SLC37A1: variants seen among roughly 807,000 people sequenced by gnomAD.
SLC37A1 encodes the protein solute carrier family 37 member 1, also known as glucose-6-phosphate exchanger SLC37A1.
Under a neutral mutation model 75.3 loss-of-function variants are expected in SLC37A1, and 49 were observed. That is an observed-to-expected ratio of 0.65 (90% CI 0.52 to 0.83). The LOEUF is 0.83. SLC37A1 is among the 40% of genes least tolerant of loss of function. The pLI is 0.00. For missense variants in SLC37A1, 566 were observed against 695.0 expected (o/e 0.81, Z 2.09); for synonymous variants, 268 against 292.1 (o/e 0.92, Z 0.84).
At position 42,535,550 on chromosome 21, in the gene SLC37A1, G is replaced by A. The variant is rs1196031907; in HGVS notation, c.350G>A (p.Ser117Asn). The A allele has an allele frequency of 6.2e-7, 1 of 1,614,030 alleles. No individual in the cohort carries two copies. Among genetic ancestry groups the A allele is most frequent in the Non-Finnish European group, 8.5e-7 (1 of 1,179,858 alleles). The change falls in exon 5 of 20, where the codon AGT becomes AAT. Residue 117 changes from serine (S) to asparagine (N), a missense_variant and splice_region_variant. Transcript: ENST00000352133. ...GCCTATGCCGTGGGGATGTACCTCA[G>A]GTAGGTCTCCTTCAGTTTTCCAGAC... ...LCAYAVGMYL[S>N]GIIGERLPIR...
intron 8 of SLC37A1, among the ~76,000 whole-genome samples, chr21:42,544,554 C>T (rs762522757): frequency 6.6e-6 from 1 of 152,218 alleles, no homozygotes; most frequent in Non-Finnish European, 1.5e-5. Flanking sequence ...GAGGAATGTC[C>T]AGACACACCC....
chr21:42,560,633 C>A (rs1490020081), intron 11 of SLC37A1, among the ~76,000 whole-genome samples: 1 of 152,080 alleles, frequency 6.6e-6, no homozygotes, highest in Non-Finnish European at 1.5e-5. Context: ...CAGAGGTGGA[C>A]CCTGGAGCCA....
chr21:42,517,033 G>A (rs1354919382), intron 1 of SLC37A1, among the ~76,000 whole-genome samples: 1 of 152,184 alleles, frequency 6.6e-6, no homozygotes, highest in African/African-American at 2.4e-5. Flanking sequence ...TTGAGCACGT[G>A]GTCTGTGCTA....
intron 3 of SLC37A1, among the ~76,000 whole-genome samples, chr21:42,532,067 C>A (rs886222028): frequency 1.3e-5 from 2 of 152,172 alleles, no homozygotes; most frequent in Admixed American, 6.5e-5. Context: ...AACTCCATAA[C>A]TGATGGCCAG....
chr21:42,555,036 A>G (rs1325190936), intron 10 of SLC37A1, among the ~76,000 whole-genome samples: 1 of 131,186 alleles, frequency 7.6e-6, no homozygotes, highest in Non-Finnish European at 1.5e-5. Flanking sequence ...CCCAGTCTGG[A>G]GTGCAGTGGC....
chr21:42,532,775 T>C (rs187066254), intron 3 of SLC37A1, among the ~76,000 whole-genome samples: 156 of 152,050 alleles, frequency 1.0e-3, no homozygotes, highest in African/African-American at 3.6e-3. Context: ...ATGAAAGCAC[T>C]CTCTTCCTGA....
chr21:42,532,528 C>T (rs999517684), intron 3 of SLC37A1, among the ~76,000 whole-genome samples: 1 of 152,124 alleles, frequency 6.6e-6, no homozygotes, highest in African/African-American at 2.4e-5. Flanking sequence ...CCATGGGAGG[C>T]AGCAGGGAAA....
intron 10 of SLC37A1, among the ~76,000 whole-genome samples, chr21:42,557,495 A>T (rs1484761517): frequency 6.6e-6 from 1 of 152,284 alleles, no homozygotes; most frequent in Non-Finnish European, 1.5e-5. Flanking sequence ...CATGTTAGGC[A>T]TCTGCACTCA....
intron 18 of SLC37A1, chr21:42,576,070 A>C (rs2056301650): frequency 1.7e-6 from 1 of 572,278 alleles, no homozygotes; most frequent in Non-Finnish European, 2.2e-6. Context: ...CAGAATTGTA[A>C]AGGCAATATA....
chr21:42,572,448 C>T (rs1449822016), intron 17 of SLC37A1, among the ~76,000 whole-genome samples: 1 of 151,676 alleles, frequency 6.6e-6, no homozygotes, highest in Non-Finnish European at 1.5e-5. Flanking sequence ...TGGATTAATC[C>T]TTCAACTTTC....
intron 10 of SLC37A1, among the ~76,000 whole-genome samples, chr21:42,554,387 T>C (rs113092606): frequency 3.9e-5 from 6 of 152,362 alleles, no homozygotes; most frequent in African/African-American, 1.2e-4. Flanking sequence ...TCCCAGGCAC[T>C]ATTCCAGGTG....
At chr21:42,530,639 CACACACACACACACA>C (rs2054931930) in intron 3 of SLC37A1, among the ~76,000 whole-genome samples, 4 of 32,558 alleles carry the variant, frequency 1.2e-4, no homozygotes, top group Admixed American at 9.5e-4. Context: ...CACACACACA[CACACACACACACACA>C]CCCCCTCTGT....
chr21:42,535,619 T>A (rs1046653093), intron 5 of SLC37A1, 69 bp downstream of exon 5: 1 of 1,379,736 alleles, frequency 7.2e-7, no homozygotes, highest in African/African-American at 1.4e-5. Context: ...AGACATCCGC[T>A]ATGCTGAAGT....
chr21:42,531,220 C>T (rs943573619), intron 3 of SLC37A1, among the ~76,000 whole-genome samples: 6 of 152,138 alleles, frequency 3.9e-5, no homozygotes, highest in East Asian at 3.9e-4. Flanking sequence ...CCGGCCCCGC[C>T]GCCTTCCCCG....
chr21:42,505,402 C>T (rs1030920296), intron 2 of SLC37A1, among the ~76,000 whole-genome samples: 2 of 152,148 alleles, frequency 1.3e-5, no homozygotes, highest in Non-Finnish European at 2.9e-5. Flanking sequence ...TTGGGTAACT[C>T]GATGCCTTCT....
intron 2 of SLC37A1, among the ~76,000 whole-genome samples, chr21:42,520,383 T>C (rs141393022): frequency 6.6e-6 from 1 of 152,310 alleles, no homozygotes; most frequent in African/African-American, 2.4e-5. Flanking sequence ...CTTGTTGTGT[T>C]TGAAGAGTTC....
At chr21:42,544,439 C>T (rs2055357534) in intron 8 of SLC37A1, among the ~76,000 whole-genome samples, 2 of 152,246 alleles carry the variant, frequency 1.3e-5, no homozygotes, top group South Asian at 4.1e-4. Context: ...CTTGCAAAAG[C>T]TAACCTTTTA....
intron 14 of SLC37A1, among the ~76,000 whole-genome samples, chr21:42,565,348 C>T (rs2055949423): frequency 6.6e-6 from 1 of 152,268 alleles, no homozygotes; most frequent in Non-Finnish European, 1.5e-5. Flanking sequence ...GCGCGTCTGC[C>T]CCTCCGCTAG....
Position 42,580,757 on chromosome 21 carries a change from C to T in SLC37A1, c.*397C>T, listed in dbSNP as rs1222090642. ...AACATCAAAGTGAGCGAGTACTGCG[C>T]TGGCTGTGGCTTCAGAGAACCTGTA... On this transcript the variant is annotated 3_prime_UTR_variant, in exon 20 of 20. Coordinates refer to ENST00000352133, the MANE Select transcript of SLC37A1 (RefSeq NM_001320537.2). 4.1e-6 allele frequency: 1 copy of T among 246,332 alleles called. No individual in the cohort carries two copies. The highest frequency in any genetic ancestry group is 1.1e-4 in the East Asian group (1 of 9,142). 15.3% of individuals were successfully genotyped at this position (246,332 alleles called of 1,614,324 possible).
Sources: gnomAD v4.1 joint callset for allele counts (sites outside exome capture counted in the v4.1 genomes callset) on GRCh38, gnomAD v4.1.1 for gene constraint, MANE v1.5 for transcripts, NCBI Gene and HGNC (gene_info 2026-07-23, HGNC 2026-07-21) for gene names.